The following ZBTB47 variants were observed in gnomAD, a reference collection of about 807,000 sequenced individuals.
The protein encoded by ZBTB47 is zinc finger and BTB domain-containing protein 47.
In ZBTB47, 24 loss-of-function variants were observed where a neutral mutation model predicts 56.6. The ratio of observed to expected loss-of-function variants is 0.42; its 90% confidence interval spans 0.31 to 0.60. ZBTB47 has a LOEUF of 0.60. ZBTB47 is among the 20% of genes least tolerant of loss of function. The probability of loss-of-function intolerance (pLI) is 0.14; values close to 1 mark genes in which losing one functional copy is unlikely to be tolerated. For missense variants in ZBTB47, 829 were observed against 1,032.6 expected, an observed-to-expected ratio of 0.80 and a Z score of 2.70; for synonymous variants, 414 against 418.9, an observed-to-expected ratio of 0.99 and a Z score of 0.14.
At chr3:42,657,662 G>T (rs943002190) in intron 1 of ZBTB47, among the ~76,000 whole-genome samples, 1 of 152,240 alleles carries the variant, frequency 6.6e-6, no homozygotes, top group Admixed American at 6.5e-5. Flanking sequence ...GCGATGAGGG[G>T]TTCCCTCAGG....
In ZBTB47 at chr3:42,664,825, G is replaced by T; in HGVS notation, c.*227G>T. ...ACTCCCAAGTGCCCCCCCTTTCTGT[G>T]ACTCCTTGAAGCCTTTACTTTTTTT... On this transcript the variant is annotated 3_prime_UTR_variant, in exon 6 of 6. Transcript: ENST00000232974. 1 of 408,846 alleles carries T rather than the reference G, an allele frequency of 2.4e-6. No homozygotes were observed. The allele number at this position is 408,846 out of a possible 1,614,324, so 25.3% of individuals were successfully genotyped here. A position where few individuals can be genotyped will look rare whatever the true frequency, so the allele number is the denominator to read the frequency against.
Position 42,664,358 on chromosome 3 carries a change from C to T in ZBTB47, c.2004C>T (p.Arg668=), listed in dbSNP as rs1307175797. The change falls in exon 6 of 6, where the codon CGC becomes CGT. Residue 668 remains arginine, a synonymous_variant. Coordinates refer to ENST00000232974, the MANE Select transcript of ZBTB47 (RefSeq NM_145166.4). ...KPYPCDVCGQ[R]FRFSNMLKAH... is the part of the protein sequence containing the mutation. ...ACCCGTGCGACGTGTGTGGCCAGCG[C>T]TTCCGCTTCTCCAACATGCTCAAGG... 1.2e-6 allele frequency: 2 copies of T among 1,611,400 alleles called. No homozygotes were observed. Among genetic ancestry groups the T allele is most frequent in the African/African-American group, 1.3e-5 (1 of 74,910 alleles).
Position 42,659,551 on chromosome 3 carries a change from G to T in ZBTB47, c.1196G>T (p.Arg399Leu). Residue 399 changes from arginine (R) to leucine (L), a missense_variant, in exon 2 of 6, where the codon CGG becomes CTG. Physicochemically the swap from Arg to Leu is moderately radical, Grantham distance 102. Around this residue, in one of 6 missense-constraint regions of ZBTB47, gnomAD observed 359 missense variants for 359.8 expected, o/e 1.00. Transcript: ENST00000232974. ...GTPEPEEAGR[R>L]GGKRPKPPPG... is the part of the protein sequence containing the mutation. ...CCTGAACCTGAAGAAGCTGGGCGGC[G>T]GGGTGGGAAGAGGCCAAAGCCACCC... is the stretch of plus-strand genomic sequence containing the variant. 1.1e-5 allele frequency: 17 copies of T among 1,577,306 alleles called. No individual in the cohort carries two copies. Among genetic ancestry groups the T allele is most frequent in the Non-Finnish European group, 1.5e-5 (17 of 1,162,334 alleles).
rs968619216 is a variant in ZBTB47, at chr3:42,658,796, C to T, written c.441C>T (p.Asp147=). The T allele has an allele frequency of 6.5e-7, 1 of 1,532,546 alleles. No individual in the cohort carries two copies. Among genetic ancestry groups the T allele is most frequent in the Admixed American group, 2.0e-5 (1 of 50,620 alleles). 94.9% of individuals were successfully genotyped at this position (1,532,546 alleles called of 1,614,324 possible). ...PYYCDIKQEA[D]TPGLPKIYAR... ...ACTGTGACATCAAGCAGGAGGCCGA[C>T]ACCCCAGGCCTGCCCAAGATCTATG... Residue 147 remains aspartate, a synonymous_variant, in exon 2 of 6, where the codon GAC becomes GAT. Transcript: ENST00000232974.
At chr3:42,661,422 C>T (rs1186010455) in intron 2 of ZBTB47, 63 bp from the exon 3 acceptor site, 9 of 1,563,678 alleles carry the variant, frequency 5.8e-6, no homozygotes, top group Non-Finnish European at 7.8e-6. Flanking sequence ...GGGGCAGTAG[C>T]TTGCCCAAGT....
rs1167457790 is a variant in ZBTB47, at chr3:42,659,238, G to C, written c.883G>C (p.Gly295Arg). 6.5e-7 allele frequency: 1 copy of C among 1,531,802 alleles called. No homozygotes were observed. The highest frequency in any genetic ancestry group is 1.2e-5 in the South Asian group (1 of 83,210). 94.9% of individuals were successfully genotyped at this position (1,531,802 alleles called of 1,614,324 possible). The change falls in exon 2 of 6, where the codon GGT becomes CGT. Residue 295 changes from glycine to arginine, a missense_variant. Physicochemically the swap from Gly to Arg is moderately radical, Grantham distance 125. Around this residue, in one of 6 missense-constraint regions of ZBTB47, gnomAD observed 359 missense variants for 359.8 expected, o/e 1.00. Coordinates refer to ENST00000232974, the MANE Select transcript of ZBTB47 (RefSeq NM_145166.4). ...EEEEEEEEEEGGGSGREEEEE... is the reference protein window; with the variant it reads ...EEEEEEEEEERGGSGREEEEE... ...GGAGGAGGAAGAAGAGGAAGAGGAA[G>C]GTGGTGGCAGTGGACGGGAGGAGGA...
Position 42,663,477 on chromosome 3 carries a change from G to C in ZBTB47, c.1738-320G>C, listed in dbSNP as rs1306591453. The stretch of plus-strand genomic sequence containing the variant: ...CAACAGAGCTGCAGGTGGGGAGGTG[G>C]GGGCAGGGGCTGGGCGTCTGATCAG... On this transcript the variant is annotated intron_variant, in intron 4 of 5. Transcript: ENST00000232974. This position sits in a 1 kb window ranked among gnomAD's most constrained non-coding sequence, Gnocchi z 5.1. Among the ~76,000 whole-genome samples the C allele has an allele frequency of 6.6e-6, 1 of 152,148 alleles. No individual in the cohort carries two copies. The highest frequency in any genetic ancestry group is 1.5e-5 in the Non-Finnish European group (1 of 68,000).
At position 42,663,953 on chromosome 3, in the gene ZBTB47, C is replaced by A. The variant is rs1244771813; in HGVS notation, c.1882+12C>A. ...GAAGACCCACACAGGTGCGGCTGCC[C>A]CTGGGGACGGAGCTCGGTGCCGGGC... On this transcript the variant is annotated intron_variant, in intron 5 of 5. Coordinates refer to ENST00000232974, the MANE Select transcript of ZBTB47 (RefSeq NM_145166.4). The surrounding 1 kb of genome is among the most constrained non-coding windows in gnomAD (Gnocchi z 5.1). 1 of 1,605,488 alleles carries A rather than the reference C, an allele frequency of 6.2e-7. No individual in the cohort carries two copies.
At position 42,663,819 on chromosome 3, in the gene ZBTB47, A is replaced by G. The variant is rs1319271461; in HGVS notation, c.1760A>G (p.Tyr587Cys). ...CAGAACTGCAATGAGCGCTTCCAGTACAAGTACCAGCTGCGGTCACACATG... is the reference window on the plus strand; with the variant it reads ...CAGAACTGCAATGAGCGCTTCCAGTGCAAGTACCAGCTGCGGTCACACATG... ...RCENCNERFQYKYQLRSHMSI... is the reference protein window; with the variant it reads ...RCENCNERFQCKYQLRSHMSI... Residue 587 changes from tyrosine to cysteine, a missense_variant, in exon 5 of 6, where the codon TAC becomes TGC. Around this residue, in one of 6 missense-constraint regions of ZBTB47, gnomAD observed 187 missense variants for 253.1 expected, o/e 0.74. Transcript: ENST00000232974. This position sits in a 1 kb window ranked among gnomAD's most constrained non-coding sequence, Gnocchi z 5.1. 3 of 1,613,426 alleles carry G rather than the reference A, an allele frequency of 1.9e-6. No homozygotes were observed. The highest frequency in any genetic ancestry group is 8.5e-7 in the Non-Finnish European group (1 of 1,179,726).
chr3:42,659,523 A>G lies in ZBTB47; in HGVS notation c.1168A>G (p.Thr390Ala). The G allele has an allele frequency of 1.3e-6, 2 of 1,551,740 alleles. No homozygotes were observed. The highest frequency in any genetic ancestry group is 3.5e-4 in the Middle Eastern group (2 of 5,686). Residue 390 changes from threonine (T) to alanine (A), a missense_variant, in exon 2 of 6, where the codon ACC (threonine) becomes GCC (alanine). Physicochemically the swap from Thr to Ala is moderately conservative, Grantham distance 58. Transcript: ENST00000232974. The part of the protein sequence containing the change: ...RSRENARRRG[T>A]PEPEEAGRRG... Reference sequence around the variant, plus strand: ...CCGGGAGAACGCCCGGCGCCGGGGTACCCCTGAACCTGAAGAAGCTGGGCG... The same window carrying G: ...CCGGGAGAACGCCCGGCGCCGGGGTGCCCCTGAACCTGAAGAAGCTGGGCG...
Position 42,662,955 on chromosome 3 carries a change from C to T in ZBTB47, c.1622-57C>T, listed in dbSNP as rs543967937. On this transcript the variant is annotated intron_variant, in intron 3 of 5. Coordinates refer to ENST00000232974, the MANE Select transcript of ZBTB47 (RefSeq NM_145166.4). ...CCCAGGAGGCAGGGTCTGGGCCCAA[C>T]GTCGGGGTGCTTGGGCAGGCCCGTA... 7.6e-5 allele frequency: 102 copies of T among 1,340,774 alleles called. No homozygotes were observed. The East Asian group carries it at 1.1e-3, about 15-fold the overall frequency. 83.1% of individuals were successfully genotyped at this position (1,340,774 alleles called of 1,614,324 possible).
Position 42,658,891 on chromosome 3 carries a change from C to G in ZBTB47, c.536C>G (p.Pro179Arg). 1 of 1,511,422 alleles carries G rather than the reference C, an allele frequency of 6.6e-7. No homozygotes were observed. The allele number at this position is 1,511,422 out of a possible 1,614,324, so 93.6% of individuals were successfully genotyped here. ...GCAGGGACTGCTGGTGGCACAGTGCCTGCCACCATTGGGCCAGCCCAGCCC... is the reference window on the plus strand; with the variant it reads ...GCAGGGACTGCTGGTGGCACAGTGCGTGCCACCATTGGGCCAGCCCAGCCC... ...DGAGTAGGTVPATIGPAQPFF... is the reference protein window; with the variant it reads ...DGAGTAGGTVRATIGPAQPFF... Residue 179 changes from proline (P) to arginine (R), a missense_variant, in exon 2 of 6, where the codon CCT becomes CGT. Around this residue, in one of 6 missense-constraint regions of ZBTB47, gnomAD observed 359 missense variants for 359.8 expected, o/e 1.00. Transcript: ENST00000232974.
In ZBTB47 at chr3:42,663,933, C is replaced by T. The variant is rs1315198411; in HGVS notation, c.1874C>T (p.Thr625Ile). Residue 625 changes from threonine to isoleucine, a missense_variant, in exon 5 of 6, where the codon ACC becomes ATC. Thr to Ile is a moderately conservative substitution (Grantham distance 89). This residue lies in a region of ZBTB47 where 44 missense variants were observed against 76.7 expected (regional missense o/e 0.57). Transcript: ENST00000232974. This position sits in a 1 kb window ranked among gnomAD's most constrained non-coding sequence, Gnocchi z 5.1. ...CAGTACTTCGATGAGCACATGAAGA[C>T]CCACACAGGTGCGGCTGCCCCTGGG... ...MKQYFDEHMK[T>I]HTGEKPYICE... The T allele has an allele frequency of 6.2e-7, 1 of 1,611,322 alleles. No homozygotes were observed.
At position 42,658,961 on chromosome 3, in the gene ZBTB47, G is replaced by A. The variant is rs1321123698; in HGVS notation, c.606G>A (p.Gly202=). 6.6e-7 allele frequency: 1 copy of A among 1,506,418 alleles called. No homozygotes were observed. Among genetic ancestry groups the A allele is most frequent in the Non-Finnish European group, 8.8e-7 (1 of 1,132,720 alleles). 93.3% of individuals were successfully genotyped at this position (1,506,418 alleles called of 1,614,324 possible). A position where few individuals can be genotyped will look rare whatever the true frequency, so the allele number is the denominator to read the frequency against. The change falls in exon 2 of 6, where the codon GGG becomes GGA. Residue 202 remains glycine (G), a synonymous_variant. Transcript: ENST00000232974. ...EKEGGVEEAG[G]PPASLCKLEG... is the part of the protein sequence containing the mutation. ...AGGGTGGTGTCGAGGAGGCCGGTGG[G>A]CCCCCAGCCAGCTTGTGCAAGCTGG...
At chr3:42,658,133 GT>G in intron 1 of ZBTB47, 141 bp from the exon 2 acceptor site, 1 of 894,414 alleles carries the variant, frequency 1.1e-6, no homozygotes, top group Non-Finnish European at 1.6e-6. Flanking sequence ...TTCCTTGCTA[GT>G]TTCGGCTCTG....
rs1710607622 is a variant in ZBTB47, at chr3:42,654,257, C to A, written c.-82+374C>A. The A allele has an allele frequency of 6.7e-6, 1 of 150,148 alleles. No individual in the cohort carries two copies. The highest frequency in any genetic ancestry group is 6.6e-5 in the Admixed American group (1 of 15,144). The allele number at this position is 150,148 out of a possible 1,614,324, so 9.3% of individuals were successfully genotyped here. ...GGAGGCTCAGCACGGGAGGGTGGGG[C>A]CGGGGTCTATCTGCTCGGATATGAG... On this transcript the variant is annotated intron_variant, in intron 1 of 5. Transcript: ENST00000232974. The surrounding 1 kb of genome is among the most constrained non-coding windows in gnomAD (Gnocchi z 5.0).
Position 42,666,561 on chromosome 3 carries a change from G to A in ZBTB47, c.*1963G>A, listed in dbSNP as rs908472446. 6.6e-6 allele frequency among the ~76,000 whole-genome samples: 1 copy of A among 152,190 alleles called. No homozygotes were observed. The highest frequency in any genetic ancestry group is 6.5e-5 in the Admixed American group (1 of 15,284). ...TCCCAAAAAAAGTTGATCTCTCCCAGTGGGCTGTAGGCAGGGTCCTCCATG... is the reference window on the plus strand; with the variant it reads ...TCCCAAAAAAAGTTGATCTCTCCCAATGGGCTGTAGGCAGGGTCCTCCATG... On this transcript the variant is annotated 3_prime_UTR_variant, in exon 6 of 6. Transcript: ENST00000232974.
At chr3:42,653,181 CT>C (rs1452468518), upstream of ZBTB47, among the ~76,000 whole-genome samples, 1 of 152,124 alleles carries the variant, frequency 6.6e-6, no homozygotes, top group Non-Finnish European at 1.5e-5. Context: ...GGAGGAGGCC[CT>C]TGCAATCTTA....
intron 1 of ZBTB47, 130 bp from the exon 2 acceptor site, chr3:42,658,145 T>G: frequency 9.8e-7 from 1 of 1,016,068 alleles, no homozygotes; most frequent in African/African-American, 1.6e-5. Flanking sequence ...TTCGGCTCTG[T>G]TGCTGTAAAG....
Sources: allele counts gnomAD v4.1 joint callset (sites outside exome capture counted in the v4.1 genomes callset), GRCh38; gene constraint gnomAD v4.1.1; regional missense constraint gnomAD v4.1.1; non-coding constraint Gnocchi (gnomAD v3.1); transcripts MANE v1.5; gene names NCBI Gene and HGNC (gene_info 2026-07-23, HGNC 2026-07-21).